SUB1: variants seen among roughly 807,000 people sequenced by gnomAD.
SUB1 encodes the protein SUB1 regulator of transcription.
SUB1 carries 1 observed loss-of-function variant against 16.9 expected under a neutral mutation model. The observed-to-expected ratio is 0.06, with a 90% confidence interval of 0.02 to 0.28. SUB1 has a LOEUF of 0.28. SUB1 is among the 10% of genes least tolerant of loss of function. The pLI is 1.00. For synonymous variants in SUB1, 51 were observed against 46.9 expected, an observed-to-expected ratio of 1.09 and a Z score of -0.36; for missense variants, 84 against 145.2, an observed-to-expected ratio of 0.58 and a Z score of 2.16.
intron 4 of SUB1, among the ~76,000 whole-genome samples, chr5:32,600,048 T>C (rs539218111): frequency 1.3e-5 from 2 of 152,248 alleles, no homozygotes; most frequent in Non-Finnish European, 2.9e-5. Context: ...AAGTTCATTA[T>C]TCATGTTACT....
At chr5:32,589,668 G>T (rs941081674) in intron 2 of SUB1, among the ~76,000 whole-genome samples, 5 of 152,152 alleles carry the variant, frequency 3.3e-5, no homozygotes, top group Admixed American at 6.5e-5. Flanking sequence ...CAAGTCTTCC[G>T]TGCAGAATTG....
intron 3 of SUB1, chr5:32,595,131 C>T (rs1269845215): frequency 1.3e-5 from 2 of 151,684 alleles, no homozygotes; most frequent in Admixed American, 6.6e-5. Context: ...AAGAATTTGT[C>T]AGTTTTACTC....
chr5:32,596,406 T>C (rs1738965227), intron 3 of SUB1: 1 of 152,232 alleles, frequency 6.6e-6, no homozygotes, highest in African/African-American at 2.4e-5. Flanking sequence ...TTGTCTATTC[T>C]ATCGATTTTT....
Position 32,602,201 on chromosome 5 carries a change from A to G in SUB1, c.*1117A>G. 1.8e-5 allele frequency: 8 copies of G among 455,592 alleles called. No homozygotes were observed. Among genetic ancestry groups the G allele is most frequent in the Non-Finnish European group, 3.5e-5 (8 of 226,628 alleles). 28.2% of individuals were successfully genotyped at this position (455,592 alleles called of 1,614,324 possible). A position where few individuals can be genotyped will look rare whatever the true frequency, so the allele number is the denominator to read the frequency against. The stretch of plus-strand genomic sequence containing the variant: ...ATTTAACCATACTGATGAAGCAGAC[A>G]GATTGAGGCACAGATTTTAGTGGCT... On this transcript the variant is annotated 3_prime_UTR_variant, in exon 5 of 5. Coordinates refer to ENST00000265073, the MANE Select transcript of SUB1 (RefSeq NM_006713.4).
chr5:32,593,517 T>G (rs888687356), intron 3 of SUB1, among the ~76,000 whole-genome samples: 7 of 152,198 alleles, frequency 4.6e-5, no homozygotes, highest in African/African-American at 1.7e-4. Flanking sequence ...ACACACATTT[T>G]AGAGATTCTG....
chr5:32,586,646 T>TA (rs1738676786), intron 1 of SUB1: 1 of 152,210 alleles, frequency 6.6e-6, no homozygotes, highest in Non-Finnish European at 1.5e-5. Context: ...AGACGGTAGT[T>TA]ATGATCGACA....
At chr5:32,591,308 G>A (rs114075252) in intron 2 of SUB1, 4,938 of 289,178 alleles carry the variant, frequency 0.017, 240 homozygotes, top group African/African-American at 0.097. Context: ...CAAAATAACC[G>A]TTCCTGTGGT....
At chr5:32,589,556 A>G (rs990748946) in intron 2 of SUB1, among the ~76,000 whole-genome samples, 2 of 152,192 alleles carry the variant, frequency 1.3e-5, no homozygotes, top group Non-Finnish European at 2.9e-5. Context: ...CCCATTGACA[A>G]GATAGGCTTT....
At position 32,602,102 on chromosome 5, in the gene SUB1, C is replaced by T; in HGVS notation, c.*1018C>T. On this transcript the variant is annotated 3_prime_UTR_variant, in exon 5 of 5. Transcript: ENST00000265073. ...ACATGCTTGTGTATTTTGGCCTTTG[C>T]CCCAGTAGAACAGACCAATGGCATT... The T allele has an allele frequency of 5.4e-6, 2 of 373,692 alleles. No homozygotes were observed. The highest frequency in any genetic ancestry group is 4.0e-5 in the South Asian group (2 of 50,158). The allele number at this position is 373,692 out of a possible 1,614,324, so 23.1% of individuals were successfully genotyped here.
intron 2 of SUB1, among the ~76,000 whole-genome samples, chr5:32,589,521 A>G (rs997184338): frequency 6.6e-6 from 1 of 152,250 alleles, no homozygotes; most frequent in Non-Finnish European, 1.5e-5. Context: ...TAATTAAATC[A>G]GCACGCAGTA....
At chr5:32,594,547 G>C (rs1440556201) in intron 3 of SUB1, 1 of 447,746 alleles carries the variant, frequency 2.2e-6, no homozygotes, top group South Asian at 1.6e-5. Context: ...TTTTTAATTT[G>C]AGTTTTCTTT....
rs1738733227 is a variant in SUB1 at position 32,588,546 on chromosome 5, T to C, written c.34T>C (p.Ser12Pro). The stretch of plus-strand genomic sequence containing the variant: ...ATCAAAGGAACTTGTTTCTTCAAGC[T>C]CTTCTGGCAGTGATTCTGACAGTGA... ...PKSKELVSSS[S>P]SGSDSDSEVD... Residue 12 changes from serine (S) to proline (P), a missense_variant, in exon 2 of 5, where the codon TCT becomes CCT. This residue lies in a region of SUB1 where 60 missense variants were observed against 64.9 expected (regional missense o/e 0.92). Transcript: ENST00000265073. 1 of 1,613,118 alleles carries C rather than the reference T, an allele frequency of 6.2e-7. No homozygotes were observed. The highest frequency in any genetic ancestry group is 8.5e-7 in the Non-Finnish European group (1 of 1,179,602).
At chr5:32,590,139 T>G (rs916327935) in intron 2 of SUB1, among the ~76,000 whole-genome samples, 4 of 152,212 alleles carry the variant, frequency 2.6e-5, no homozygotes, top group Admixed American at 2.6e-4. Flanking sequence ...ATAGAATAAT[T>G]GCTTTCTGCA....
At chr5:32,590,991 A>G (rs1183034337) in intron 2 of SUB1, among the ~76,000 whole-genome samples, 1 of 151,022 alleles carries the variant, frequency 6.6e-6, no homozygotes, top group African/African-American at 2.4e-5. Flanking sequence ...CTGGTCTCGA[A>G]CTCCTGACCT....
In SUB1 at chr5:32,601,963, C is replaced by A; in HGVS notation, c.*879C>A. 6.0e-6 allele frequency: 1 copy of A among 165,950 alleles called. No homozygotes were observed. Among genetic ancestry groups the A allele is most frequent in the Non-Finnish European group, 1.3e-5 (1 of 75,784 alleles). 10.3% of individuals were successfully genotyped at this position (165,950 alleles called of 1,614,324 possible). ...ATAAAAATTGTGAAAGCTTACTGGC[C>A]TAACATTTTATTTTATAATATTGGG... On this transcript the variant is annotated 3_prime_UTR_variant, in exon 5 of 5. Transcript: ENST00000265073.
intron 3 of SUB1, chr5:32,597,465 G>A (rs1454393480): frequency 2.0e-5 from 3 of 152,130 alleles, no homozygotes; most frequent in Non-Finnish European, 4.4e-5. Context: ...ATCTCTGGGT[G>A]GATATTTGTG....
At position 32,599,114 on chromosome 5, in the gene SUB1, C is replaced by T. The variant is rs1403995312; in HGVS notation, c.304+45C>T. On this transcript the variant is annotated intron_variant, in intron 4 of 4. Transcript: ENST00000265073. ...ATTTTATTACAGTGTTAGGACTAAA[C>T]GACAACTTTTCTGAGTAGCTTACTT... 7 of 1,454,652 alleles carry T rather than the reference C, an allele frequency of 4.8e-6. No individual in the cohort carries two copies. In the East Asian group the frequency reaches 9.1e-5, roughly 19 times the overall value. The allele number at this position is 1,454,652 out of a possible 1,614,324, so 90.1% of individuals were successfully genotyped here. A position where few individuals can be genotyped will look rare whatever the true frequency, so the allele number is the denominator to read the frequency against.
At position 32,591,742 on chromosome 5, in the gene SUB1, C is replaced by A. The variant is rs182537053; in HGVS notation, c.195+57C>A. 843 of 1,491,212 alleles carry A rather than the reference C, an allele frequency of 5.7e-4. 6 individuals are homozygous for A. The African/African-American group carries it at 0.011, about 19-fold the overall frequency. The allele number at this position is 1,491,212 out of a possible 1,614,324, so 92.4% of individuals were successfully genotyped here. Reference sequence around the variant, plus strand: ...TTGACATGGAGTCATGCTCTGTCACCCAGGCTGGAGTGCAGTGGCGCCATC... The same window carrying A: ...TTGACATGGAGTCATGCTCTGTCACACAGGCTGGAGTGCAGTGGCGCCATC... On this transcript the variant is annotated intron_variant, in intron 3 of 4. Coordinates refer to ENST00000265073, the MANE Select transcript of SUB1 (RefSeq NM_006713.4).
intron 1 of SUB1, among the ~76,000 whole-genome samples, chr5:32,587,369 GT>G (rs1471929662): frequency 3.3e-5 from 5 of 152,154 alleles, no homozygotes; most frequent in African/African-American, 4.8e-5. Context: ...CTTACTGATA[GT>G]TTGCTTTCTG....
Sources: gnomAD v4.1 joint callset for allele counts (sites outside exome capture counted in the v4.1 genomes callset) on GRCh38, gnomAD v4.1.1 for gene constraint, gnomAD v4.1.1 regional missense constraint, MANE v1.5 for transcripts, NCBI Gene and HGNC (gene_info 2026-07-23, HGNC 2026-07-21) for gene names.